BCCIP: variants seen among roughly 807,000 people sequenced by gnomAD.
BCCIP encodes BRCA2 and CDKN1A interacting protein.
A neutral mutation model predicts 32.8 loss-of-function variants in BCCIP; 23 were observed. The ratio of observed to expected loss-of-function variants is 0.70; its 90% confidence interval spans 0.51 to 0.99. BCCIP has a LOEUF of 0.99. Ranked by LOEUF, BCCIP falls within the 50% of genes least tolerant of loss-of-function variation. The pLI, the probability that BCCIP is intolerant of heterozygous loss-of-function variation, is 0.00. For synonymous variants in BCCIP, 144 were observed against 137.6 expected, an observed-to-expected ratio of 1.05 and a Z score of -0.33; for missense variants, 378 against 379.8, an observed-to-expected ratio of 1.00 and a Z score of 0.04.
chr10:125,826,156 G>T lies in BCCIP; in HGVS notation c.166-435G>T, dbSNP rs376370090. ...TTCCTTCCTAAATCGTAAGCTGCACGAGAGCAGGATCATTTGTGTCTGCCT... is the reference window on the plus strand; with the variant it reads ...TTCCTTCCTAAATCGTAAGCTGCACTAGAGCAGGATCATTTGTGTCTGCCT... On this transcript the variant is annotated intron_variant, in intron 1 of 6. Coordinates refer to ENST00000278100, the MANE Select transcript of BCCIP (RefSeq NM_078468.3). 65 of 169,568 alleles carry T rather than the reference G, an allele frequency of 3.8e-4. No individual in the cohort carries two copies. In the South Asian group the frequency reaches 9.4e-3, roughly 25 times the overall value. 10.5% of individuals were successfully genotyped at this position (169,568 alleles called of 1,614,324 possible).
chr10:125,852,692 T>TG, intron 7 of BCCIP: 1 of 1,504,300 alleles, frequency 6.6e-7, no homozygotes, highest in Non-Finnish European at 9.0e-7. Flanking sequence ...CATGATTCAG[T>TG]AGGCTCACTG....
exon 7 of BCCIP, chr10:125,841,786 A>C: frequency 1.2e-6 from 2 of 1,613,354 alleles, no homozygotes; most frequent in Non-Finnish European, 1.7e-6. Flanking sequence ...CTACACAGTC[A>C]AATTCACAGG....
chr10:125,840,846 C>G, downstream of BCCIP: 5 of 1,583,130 alleles, frequency 3.2e-6, no homozygotes, highest in South Asian at 5.7e-5. Flanking sequence ...CATTCACTTA[C>G]ACTCACTGCT....
chr10:125,828,028 A>G (rs1048763276), intron 3 of BCCIP, among the ~76,000 whole-genome samples: 6 of 150,886 alleles, frequency 4.0e-5, no homozygotes, highest in Non-Finnish European at 7.4e-5. Context: ...TGGAAGCAGT[A>G]TTACTGGAGG....
chr10:125,833,921 A>G lies in BCCIP; in HGVS notation c.749A>G (p.Asn250Ser), dbSNP rs746991520. 6.2e-7 allele frequency: 1 copy of G among 1,614,254 alleles called. No homozygotes were observed. The highest frequency in any genetic ancestry group is 1.1e-5 in the South Asian group (1 of 91,088). ...AAGAAAGCTGCGTTAATGTTTGCAA[A>G]TGCAGAGGAAGAATTTTTCTATGAG... The part of the protein sequence containing the change: ...NKKKAALMFA[N>S]AEEEFFYEKA... Residue 250 changes from asparagine to serine, a missense_variant, in exon 6 of 7, where the codon AAT (asparagine) becomes AGT (serine). By Grantham distance (46) the Asn-to-Ser change is conservative (BLOSUM62 1). Coordinates refer to ENST00000278100, the MANE Select transcript of BCCIP (RefSeq NM_078468.3).
At chr10:125,827,774 AT>A in intron 3 of BCCIP, 136 bp downstream of exon 3, 1 of 592,020 alleles carries the variant, frequency 1.7e-6, no homozygotes, top group Non-Finnish European at 3.0e-6. Context: ...GTTCAAGACC[AT>A]CCTGGGCAAT....
exon 8 of BCCIP, chr10:125,853,471 T>G (rs1436554318): frequency 1.5e-5 from 4 of 258,652 alleles, no homozygotes; most frequent in African/African-American, 8.9e-5. Flanking sequence ...GATGAAAATT[T>G]TATCGTCAAT....
chr10:125,848,299 T>C (rs1944049736), intron 7 of BCCIP, among the ~76,000 whole-genome samples: 3 of 152,174 alleles, frequency 2.0e-5, no homozygotes, highest in Admixed American at 2.0e-4. Context: ...CACAGGGACA[T>C]GTTCCCAAAA....
Position 125,827,118 on chromosome 10 carries a change from TAG to T in BCCIP, c.241-437_241-436del, listed in dbSNP as rs1491485283. ...GAATTATTTCCTTTCATCTGCTAAT[TAG>T]AGTTATTTTGTTTTTTTTTTTAATT... On this transcript the variant is annotated intron_variant, in intron 2 of 6. Transcript: ENST00000278100. Among the ~76,000 whole-genome samples the T allele has an allele frequency of 2.0e-4, 31 of 152,072 alleles. No homozygotes were observed. The East Asian group carries it at 5.6e-3, about 28-fold the overall frequency.
downstream of BCCIP, chr10:125,839,293 A>AG: frequency 8.5e-7 from 1 of 1,177,906 alleles, no homozygotes; most frequent in Non-Finnish European, 1.2e-6. Context: ...CTCCTCTCCT[A>AG]CAAAGGAGGC....
At chr10:125,846,439 A>T (rs1041262036), downstream of BCCIP, among the ~76,000 whole-genome samples, 3 of 152,116 alleles carry the variant, frequency 2.0e-5, no homozygotes, top group African/African-American at 7.2e-5. Flanking sequence ...TTGGTTCATG[A>T]TTTCCTCATA....
At position 125,832,814 on chromosome 10, in the gene BCCIP, CTTTTTTTTTTTT is replaced by C. The variant is rs761671587; in HGVS notation, c.600-956_600-945del. The stretch of plus-strand genomic sequence containing the variant: ...TACAAGACCCTATCTTTTTTTTTTT[CTTTTTTTTTTTT>C]TGAAAAGGCCAGGTGTGGTGGCTGA... On this transcript the variant is annotated intron_variant, in intron 5 of 6. Transcript: ENST00000278100. Among the ~76,000 whole-genome samples, 710 of 116,836 alleles carry C rather than the reference CTTTTTTTTTTTT, an allele frequency of 6.1e-3. 3 individuals are homozygous for C. The highest frequency in any genetic ancestry group is 0.019 in the African/African-American group (665 of 34,184). The allele number at this position is 116,836 out of a possible 152,430, so 76.6% of individuals were successfully genotyped here.
chr10:125,832,486 G>T (rs566073003), intron 5 of BCCIP, among the ~76,000 whole-genome samples: 4 of 152,198 alleles, frequency 2.6e-5, no homozygotes, highest in African/African-American at 9.6e-5. Flanking sequence ...CTTATCTCCT[G>T]CTCCCTGCTC....
At chr10:125,826,843 A>T (rs1854400993) in intron 2 of BCCIP, among the ~76,000 whole-genome samples, 178 bp downstream of exon 2, 1 of 152,068 alleles carries the variant, frequency 6.6e-6, no homozygotes, top group African/African-American at 2.4e-5. Context: ...CTACAAAAAA[A>T]TTAAAAATTA....
chr10:125,835,535 C>A (rs769497212), intron 6 of BCCIP, among the ~76,000 whole-genome samples: 1 of 150,634 alleles, frequency 6.6e-6, no homozygotes, highest in Non-Finnish European at 1.5e-5. Context: ...GCCGAGATCA[C>A]GCCACTGCAC....
At chr10:125,844,492 A>G (rs1028344349), downstream of BCCIP, among the ~76,000 whole-genome samples, 5 of 152,216 alleles carry the variant, frequency 3.3e-5, no homozygotes, top group Admixed American at 3.3e-4. Context: ...TGGTCCTACA[A>G]CAGAAAAGGA....
chr10:125,841,972 A>G (rs749400147), exon 7 of BCCIP: 59 of 1,517,502 alleles, frequency 3.9e-5, no homozygotes, highest in Non-Finnish European at 3.8e-5. Context: ...AGAGTCTCAT[A>G]TGGCTAAGAT....
downstream of BCCIP, among the ~76,000 whole-genome samples, chr10:125,837,961 CCTT>C (rs1486501105): frequency 2.0e-5 from 3 of 152,278 alleles, no homozygotes; most frequent in Admixed American, 6.5e-5. Context: ...AGCATTCTGT[CCTT>C]CTTAAAGACA....
intron 1 of BCCIP, chr10:125,825,493 A>G (rs1202057254): frequency 6.6e-6 from 1 of 152,254 alleles, no homozygotes; most frequent in African/African-American, 2.4e-5. Flanking sequence ...TGCTGCTCAC[A>G]TAATCTGGCT....
Sources: allele counts gnomAD v4.1 joint callset (sites outside exome capture counted in the v4.1 genomes callset), GRCh38; gene constraint gnomAD v4.1.1; transcripts MANE v1.5; gene names NCBI Gene and HGNC (gene_info 2026-07-23, HGNC 2026-07-21).